Variants in PTPRT observed in about 807,000 individuals in gnomAD.
The protein encoded by PTPRT is protein tyrosine phosphatase receptor type T.
A neutral mutation model predicts 176.8 loss-of-function variants in PTPRT; 56 were observed. That is an observed-to-expected ratio of 0.32 (90% CI 0.26 to 0.40). The LOEUF (loss-of-function observed/expected upper bound fraction) is 0.40. Among genes scored for constraint, PTPRT ranks in the 10% least tolerant of loss-of-function variants. The pLI, the probability that PTPRT is intolerant of heterozygous loss-of-function variation, is 1.00. For missense variants in PTPRT, 1,540 were observed against 1,908.2 expected (o/e 0.81, Z 3.60); for synonymous variants, 783 against 739.0 (o/e 1.06, Z -0.96).
At chr20:42,774,143 G>T (rs1052860585) in intron 4 of PTPRT, among the ~76,000 whole-genome samples, 2 of 152,298 alleles carry the variant, frequency 1.3e-5, no homozygotes, top group African/African-American at 4.8e-5. Context: ...ATGAACGCAT[G>T]CACCTACAAG....
intron 13 of PTPRT, among the ~76,000 whole-genome samples, chr20:42,266,899 T>A (rs922587522): frequency 2.0e-5 from 3 of 152,218 alleles, no homozygotes; most frequent in Non-Finnish European, 4.4e-5. Context: ...GAACTGAATT[T>A]AAAAATTTAT....
At chr20:42,466,599 A>G (rs948495303) in intron 8 of PTPRT, among the ~76,000 whole-genome samples, 4 of 152,186 alleles carry the variant, frequency 2.6e-5, no homozygotes, top group Non-Finnish European at 5.9e-5. Context: ...CAGGAAATGA[A>G]AACTATGTGG....
At chr20:42,129,313 A>G (rs1409093294) in intron 18 of PTPRT, among the ~76,000 whole-genome samples, 1 of 152,216 alleles carries the variant, frequency 6.6e-6, no homozygotes, top group South Asian at 2.1e-4. Context: ...TGTCAGCCAT[A>G]TATTGTTATC....
chr20:42,038,763 T>C, the PTPRT span, among the ~76,000 whole-genome samples: 13 of 151,514 alleles, frequency 8.6e-5, no homozygotes, highest in Non-Finnish European at 1.6e-4. Context: ...AGCAAGAGAG[T>C]GGGAGCCAGG....
intron 6 of PTPRT, among the ~76,000 whole-genome samples, chr20:42,713,621 CAT>C (rs2076179062): frequency 1.3e-5 from 2 of 152,262 alleles, no homozygotes; most frequent in East Asian, 3.9e-4. Flanking sequence ...TGAAGGAAGA[CAT>C]GTGATACAGT....
rs1224372926 is a variant in PTPRT at position 43,010,962 on chromosome 20, C to A, written c.89-125030G>T. On this transcript the variant is annotated intron_variant, in intron 1 of 30. Coordinates refer to ENST00000373187, the MANE Select transcript of PTPRT (RefSeq NM_007050.6). ...TCCATTGTCCTCAGGTGTGTCAAAG[C>A]AGAGACAAGAATCAAGGTGGCCATC... 1.3e-5 allele frequency among the ~76,000 whole-genome samples: 2 copies of A among 152,166 alleles called. 1 individual carries two copies. The highest frequency in any genetic ancestry group is 4.1e-4 in the South Asian group (2 of 4,826).
At chr20:42,169,414 T>A (rs1452226740) in intron 16 of PTPRT, among the ~76,000 whole-genome samples, 2 of 152,052 alleles carry the variant, frequency 1.3e-5, no homozygotes, top group Non-Finnish European at 2.9e-5. Context: ...TGTTAGACAC[T>A]CTATGTAGGG....
At chr20:42,684,318 C>G (rs1350886966) in intron 6 of PTPRT, among the ~76,000 whole-genome samples, 1 of 151,822 alleles carries the variant, frequency 6.6e-6, no homozygotes, top group Non-Finnish European at 1.5e-5. Context: ...GCACTCCAAC[C>G]TGGGCAACAC....
In PTPRT at chr20:42,738,185, C is replaced by T. The variant is rs551984303; in HGVS notation, c.859+18277G>A. On this transcript the variant is annotated intron_variant, in intron 6 of 30. Transcript: ENST00000373187. ...AAATTATAAACAAGCAGTTAGTTCC[C>T]GTCCACAAAGCATTCACTATTCACA... is the stretch of plus-strand genomic sequence containing the variant. 4.6e-5 allele frequency among the ~76,000 whole-genome samples: 7 copies of T among 152,212 alleles called. 1 individual carries two copies. Among genetic ancestry groups the T allele is most frequent in the African/African-American group, 1.7e-4 (7 of 41,550 alleles).
At chr20:42,041,776 T>G in the PTPRT span, among the ~76,000 whole-genome samples, 2 of 152,224 alleles carry the variant, frequency 1.3e-5, no homozygotes, top group Non-Finnish European at 2.9e-5. Context: ...GAACAAGACT[T>G]GCATGTAGTA....
At chr20:42,051,819 C>T in the PTPRT span, among the ~76,000 whole-genome samples, 1 of 152,198 alleles carries the variant, frequency 6.6e-6, no homozygotes, top group Non-Finnish European at 1.5e-5. Flanking sequence ...ACGTCGCAGA[C>T]AGCTGTTCTC....
chr20:42,906,924 C>A (rs2079486319), intron 1 of PTPRT, among the ~76,000 whole-genome samples: 1 of 152,094 alleles, frequency 6.6e-6, no homozygotes, highest in South Asian at 2.1e-4. Context: ...CCATGTGTTT[C>A]CTCCATACTG....
At chr20:43,166,872 C>G (rs1294345447) in intron 1 of PTPRT, among the ~76,000 whole-genome samples, 1 of 152,204 alleles carries the variant, frequency 6.6e-6, no homozygotes, top group African/African-American at 2.4e-5. Context: ...CCCATCAATT[C>G]TGCCCTATAT....
intron 7 of PTPRT, among the ~76,000 whole-genome samples, chr20:42,541,503 T>C (rs940757238): frequency 4.1e-5 from 6 of 144,684 alleles, no homozygotes; most frequent in Non-Finnish European, 6.0e-5. Context: ...CTAGTACTAG[T>C]GTACTAGTAA....
In PTPRT at chr20:43,146,997, C is replaced by A. The variant is rs189421528; in HGVS notation, c.88+42649G>T. On this transcript the variant is annotated intron_variant, in intron 1 of 30. Transcript: ENST00000373187. The stretch of plus-strand genomic sequence containing the variant: ...GAACTTCTCTGACTCCCATCTCACT[C>A]GCCCAACCTGCCTTCCACTGAAGCA... 2.0e-5 allele frequency among the ~76,000 whole-genome samples: 3 copies of A among 152,344 alleles called. No individual in the cohort carries two copies. In the East Asian group the frequency reaches 5.8e-4, roughly 29 times the overall value.
At chr20:42,046,067 A>C in the PTPRT span, among the ~76,000 whole-genome samples, 4 of 152,300 alleles carry the variant, frequency 2.6e-5, no homozygotes, top group East Asian at 1.9e-4. Flanking sequence ...GAAGTGGGCA[A>C]GTGCCCTGGA....
chr20:42,960,494 T>A (rs966580470), intron 1 of PTPRT, among the ~76,000 whole-genome samples: 1 of 152,182 alleles, frequency 6.6e-6, no homozygotes, highest in African/African-American at 2.4e-5. Flanking sequence ...TATTGTTGCA[T>A]TGGGGATTAA....
chr20:42,719,486 C>G (rs1373634173), intron 6 of PTPRT, among the ~76,000 whole-genome samples: 1 of 152,188 alleles, frequency 6.6e-6, no homozygotes, highest in Non-Finnish European at 1.5e-5. Flanking sequence ...TGACTTCTCT[C>G]CAACAGCTTG....
At chr20:43,134,039 A>T (rs2013738385) in intron 1 of PTPRT, among the ~76,000 whole-genome samples, 1 of 152,224 alleles carries the variant, frequency 6.6e-6, no homozygotes, top group African/African-American at 2.4e-5. Flanking sequence ...CTTACGGATC[A>T]GTCTGAGCTT....
Sources: gnomAD v4.1 joint callset for allele counts (sites outside exome capture counted in the v4.1 genomes callset) on GRCh38, gnomAD v4.1.1 for gene constraint, MANE v1.5 for transcripts, NCBI Gene and HGNC (gene_info 2026-07-23, HGNC 2026-07-21) for gene names.